Variants in ATP11C observed in about 807,000 individuals in gnomAD.
ATP11C encodes the protein ATPase phospholipid transporting 11C (ATP11C blood group).
A neutral mutation model predicts 97.4 loss-of-function variants in ATP11C; 36 were observed. The ratio of observed to expected loss-of-function variants is 0.37; its 90% confidence interval spans 0.28 to 0.49. ATP11C has a LOEUF of 0.49. Among genes scored for constraint, ATP11C ranks in the 20% least tolerant of loss-of-function variants. ATP11C has a pLI of 0.98. For synonymous variants in ATP11C, 275 were observed against 290.9 expected (o/e 0.95, Z 0.56); for missense variants, 730 against 824.6 (o/e 0.89, Z 1.40).
At chrX:139,884,733 A>G (rs1237303512) in intron 1 of ATP11C, among the ~76,000 whole-genome samples, 1 of 112,469 alleles carries the variant, frequency 8.9e-6, no homozygotes, top group Non-Finnish European at 1.9e-5. Flanking sequence ...CCATTTTTAT[A>G]AAAGAACTTT....
At chrX:139,775,920 C>T (rs1446761197) in intron 18 of ATP11C, among the ~76,000 whole-genome samples, 1 of 112,722 alleles carries the variant, frequency 8.9e-6, no homozygotes, top group Non-Finnish European at 1.9e-5. Context: ...TGCAAATATA[C>T]TCCAACCCGC....
chrX:139,771,923 C>T (rs1256202191), intron 19 of ATP11C, among the ~76,000 whole-genome samples: 1 of 112,246 alleles, frequency 8.9e-6, no homozygotes, highest in Non-Finnish European at 1.9e-5. Flanking sequence ...GAAATTCATG[C>T]CAGCTGCAGA....
chrX:139,822,424 T>C (rs1603389175), intron 2 of ATP11C, among the ~76,000 whole-genome samples: 1 of 81,976 alleles, frequency 1.2e-5, no homozygotes, highest in Non-Finnish European at 2.0e-5. Context: ...TGTTTGTTTG[T>C]TTTTTTTGAG....
intron 28 of ATP11C, chrX:139,732,585 CCAA>C: frequency 2.5e-5 from 4 of 158,553 alleles, no homozygotes; most frequent in East Asian, 1.8e-4. Context: ...AATGCAGAAA[CCAA>C]AAAAAAAAAA....
At chrX:139,913,076 C>A (rs1290481716) in intron 1 of ATP11C, among the ~76,000 whole-genome samples, 1 of 111,882 alleles carries the variant, frequency 8.9e-6, no homozygotes, top group Non-Finnish European at 1.9e-5. Context: ...CTACTTATTG[C>A]CTCCTACTGT....
At chrX:139,889,135 T>A (rs1304817514) in intron 1 of ATP11C, among the ~76,000 whole-genome samples, 1 of 111,675 alleles carries the variant, frequency 9.0e-6, no homozygotes, top group Non-Finnish European at 1.9e-5. Context: ...AGCACCTTTA[T>A]TCATAACCAC....
chrX:139,808,235 A>T (rs1403380873), intron 5 of ATP11C, among the ~76,000 whole-genome samples: 1 of 111,542 alleles, frequency 9.0e-6, no homozygotes, highest in Non-Finnish European at 1.9e-5. Context: ...AAAACAACAA[A>T]TTACTCAAAG....
chrX:139,889,872 C>T (rs2084701784), intron 1 of ATP11C, among the ~76,000 whole-genome samples: 1 of 112,024 alleles, frequency 8.9e-6, no homozygotes, highest in African/African-American at 3.2e-5. Flanking sequence ...TCAAAACAGG[C>T]TGACAACAGA....
chrX:139,802,288 C>A lies in ATP11C; in HGVS notation c.607G>T (p.Asp203Tyr). The A allele has an allele frequency of 8.3e-7, 1 of 1,208,560 alleles. No individual in the cohort carries two copies. The change falls in exon 7 of 30, where the codon GAT becomes TAT. Residue 203 changes from aspartate to tyrosine, a missense_variant. Coordinates refer to ENST00000682941, the MANE Select transcript of ATP11C (RefSeq NM_001353812.2). ...TIALCTAESI[D>Y]TLRAAIECEQ... ...CATTCAATTGCTGCTCGGAGGGTAT[C>A]GATGGATTCTGCTGTACACAGTGCA...
At chrX:139,927,395 A>T (rs1039401975) in intron 1 of ATP11C, among the ~76,000 whole-genome samples, 1 of 111,675 alleles carries the variant, frequency 9.0e-6, no homozygotes, top group Non-Finnish European at 1.9e-5. Flanking sequence ...TGAGGTCAAG[A>T]GCTCGAGACT....
intron 1 of ATP11C, among the ~76,000 whole-genome samples, chrX:139,852,560 C>T (rs1212121011): frequency 3.0e-5 from 3 of 98,798 alleles, no homozygotes. Context: ...AAGGATAAGC[C>T]GCGGGAGCCG....
chrX:139,754,231 T>C (rs1162529139), intron 23 of ATP11C, among the ~76,000 whole-genome samples: 1 of 111,312 alleles, frequency 9.0e-6, no homozygotes, highest in Non-Finnish European at 1.9e-5. Context: ...CTATAAGAAA[T>C]GGTTAAATTT....
At position 139,919,351 on chromosome X, in the gene ATP11C, T is replaced by A. The variant is rs1262571711; in HGVS notation, c.27+12665A>T. 9.3e-5 allele frequency among the ~76,000 whole-genome samples: 10 copies of A among 107,654 alleles called. No homozygotes were observed. In the Admixed American group the frequency reaches 1.0e-3, roughly 11 times the overall value. The allele number at this position is 107,654 out of a possible 115,157, so 93.5% of individuals were successfully genotyped here. ...GCTGCGTGGTGGCGGGCACCTGTAATCCCAGCTACTCAGGAGGCTGAGAAG... is the reference window on the plus strand; with the variant it reads ...GCTGCGTGGTGGCGGGCACCTGTAAACCCAGCTACTCAGGAGGCTGAGAAG... On this transcript the variant is annotated intron_variant, in intron 1 of 29. Transcript: ENST00000682941.
At chrX:139,798,635 T>C (rs1291454531) in intron 9 of ATP11C, 44 bp downstream of exon 9, 1 of 1,043,478 alleles carries the variant, frequency 9.6e-7, no homozygotes, top group Admixed American at 2.3e-5. Flanking sequence ...TCACAGCCTT[T>C]ACAAAGCATA....
At chrX:139,924,673 G>A (rs1049714374) in intron 1 of ATP11C, among the ~76,000 whole-genome samples, 2 of 111,326 alleles carry the variant, frequency 1.8e-5, no homozygotes, top group Non-Finnish European at 3.8e-5. Flanking sequence ...CTGTGTACCA[G>A]GTGGAGGGTG....
At chrX:139,800,928 G>C (rs981222384) in intron 7 of ATP11C, among the ~76,000 whole-genome samples, 2 of 111,973 alleles carry the variant, frequency 1.8e-5, no homozygotes, top group African/African-American at 6.5e-5. Context: ...AATTGTGCCA[G>C]TGCTATACTA....
intron 1 of ATP11C, among the ~76,000 whole-genome samples, chrX:139,859,787 A>C (rs1425652794): frequency 8.9e-6 from 1 of 112,312 alleles, no homozygotes; most frequent in Non-Finnish European, 1.9e-5. Context: ...AATTTTCAAC[A>C]ATATATATGG....
chrX:139,874,061 T>A (rs1032238346), intron 1 of ATP11C, among the ~76,000 whole-genome samples: 3 of 106,969 alleles, frequency 2.8e-5, no homozygotes, highest in Non-Finnish European at 3.9e-5. Flanking sequence ...TTTTTTTTTT[T>A]AAACAGAGTC....
intron 24 of ATP11C, among the ~76,000 whole-genome samples, chrX:139,747,210 C>T (rs1326418238): frequency 5.4e-5 from 6 of 111,944 alleles, no homozygotes; most frequent in Non-Finnish European, 9.4e-5. Flanking sequence ...TGCCCAACAA[C>T]TGCCAGCCAA....
Sources: gnomAD v4.1 joint callset for allele counts (sites outside exome capture counted in the v4.1 genomes callset) on GRCh38, gnomAD v4.1.1 for gene constraint, MANE v1.5 for transcripts, NCBI Gene and HGNC (gene_info 2026-07-23, HGNC 2026-07-21) for gene names.